Variants in RMI1 observed in about 807,000 individuals in gnomAD.
The protein encoded by RMI1 is RecQ mediated genome instability 1.
In RMI1, 36 loss-of-function variants were observed where a neutral mutation model predicts 46.7. That is an observed-to-expected ratio of 0.77 (90% CI 0.59 to 1.02). RMI1 has a LOEUF of 1.02. Among genes scored for constraint, RMI1 ranks in the 50% least tolerant of loss-of-function variants. The pLI is 0.00. For synonymous variants in RMI1, 250 were observed against 252.9 expected (o/e 0.99, Z 0.11); for missense variants, 676 against 713.7 (o/e 0.95, Z 0.60).
Position 84,002,744 on chromosome 9 carries a change from A to G in RMI1, c.1758A>G (p.Ile586Met). ...TGCAGAAATGTCAAAGAGATCTAAT[A>G]GATTTGTGCTGTCTAATGACTATTT... is the stretch of plus-strand genomic sequence containing the variant. Reference protein sequence around the residue: ...EGLQKCQRDLIDLCCLMTISF... With the variant: ...EGLQKCQRDLMDLCCLMTISF... The change falls in exon 3 of 3, where the codon ATA (isoleucine) becomes ATG (methionine). Residue 586 changes from isoleucine (I) to methionine (M), a missense_variant. Physicochemically the swap from Ile to Met is conservative, Grantham distance 10. Coordinates refer to ENST00000445877, the MANE Select transcript of RMI1 (RefSeq NM_001358291.2). 1 of 1,613,886 alleles carries G rather than the reference A, an allele frequency of 6.2e-7. No individual in the cohort carries two copies. Among genetic ancestry groups the G allele is most frequent in the Non-Finnish European group, 8.5e-7 (1 of 1,179,848 alleles).
chr9:83,994,254 T>G (rs926677776), intron 1 of RMI1, among the ~76,000 whole-genome samples: 3 of 152,218 alleles, frequency 2.0e-5, no homozygotes, highest in African/African-American at 7.2e-5. Context: ...AATTGTCTTT[T>G]TACTCTGTTG....
In RMI1 at chr9:84,003,433, C is replaced by T. The variant is rs932055313; in HGVS notation, c.*569C>T. 4.2e-5 allele frequency: 7 copies of T among 166,960 alleles called. No individual in the cohort carries two copies. The highest frequency in any genetic ancestry group is 1.9e-4 in the East Asian group (1 of 5,180). 10.3% of individuals were successfully genotyped at this position (166,960 alleles called of 1,614,324 possible). On this transcript the variant is annotated 3_prime_UTR_variant, in exon 3 of 3. Coordinates refer to ENST00000445877, the MANE Select transcript of RMI1 (RefSeq NM_001358291.2). ...ATTGCTAAAATATTGTACTGGTGTTCGGTGGTGAGTCATATTTTTGAAAGT... is the reference window on the plus strand; with the variant it reads ...ATTGCTAAAATATTGTACTGGTGTTTGGTGGTGAGTCATATTTTTGAAAGT...
At chr9:83,980,640 GA>G, upstream of RMI1, 1 of 153,396 alleles carries the variant, frequency 6.5e-6, no homozygotes, top group Non-Finnish European at 1.5e-5. Flanking sequence ...TAGCTGGGGG[GA>G]GGGGCGGCTA....
rs772388729 is a variant in RMI1, at chr9:84,001,758, A to C, written c.772A>C (p.Thr258Pro). 4 of 1,614,074 alleles carry C rather than the reference A, an allele frequency of 2.5e-6. No individual in the cohort carries two copies. Among genetic ancestry groups the C allele is most frequent in the Non-Finnish European group, 3.4e-6 (4 of 1,179,972 alleles). Residue 258 changes from threonine (T) to proline (P), a missense_variant, in exon 3 of 3, where the codon ACA (threonine) becomes CCA (proline). Coordinates refer to ENST00000445877, the MANE Select transcript of RMI1 (RefSeq NM_001358291.2). ...LASLDENDEL[T>P]ANNDTSSERC... is the part of the protein sequence containing the mutation. ...AAGTCTTGATGAAAATGATGAGCTT[A>C]CAGCAAATAATGACACTTCCTCAGA...
At chr9:83,993,573 A>G (rs939818746) in intron 1 of RMI1, among the ~76,000 whole-genome samples, 2 of 152,170 alleles carry the variant, frequency 1.3e-5, no homozygotes, top group African/African-American at 4.8e-5. Flanking sequence ...TTTCCATAGT[A>G]GCTTCACCAT....
rs533375611 is a variant in RMI1, at chr9:83,996,048, A to G, written c.-125-3661A>G. Reference sequence around the variant, plus strand: ...TTTGCTCTGTCTGCTGATTGGTAGTAATTTTCCTAAAGTGTATTATAATTT... The same window carrying G: ...TTTGCTCTGTCTGCTGATTGGTAGTGATTTTCCTAAAGTGTATTATAATTT... On this transcript the variant is annotated intron_variant, in intron 1 of 2. Coordinates refer to ENST00000445877, the MANE Select transcript of RMI1 (RefSeq NM_001358291.2). 2.2e-4 allele frequency among the ~76,000 whole-genome samples: 34 copies of G among 152,202 alleles called. No homozygotes were observed. The South Asian group carries it at 7.0e-3, about 32-fold the overall frequency.
At chr9:83,991,607 C>T (rs1957575160) in intron 1 of RMI1, among the ~76,000 whole-genome samples, 1 of 152,168 alleles carries the variant, frequency 6.6e-6, no homozygotes, top group Non-Finnish European at 1.5e-5. Context: ...CATGAGCCAC[C>T]ACGTCCAGCC....
At chr9:83,990,630 A>C (rs1019158539) in intron 1 of RMI1, among the ~76,000 whole-genome samples, 18 of 152,278 alleles carry the variant, frequency 1.2e-4, no homozygotes, top group Middle Eastern at 3.4e-3. Flanking sequence ...TTCTCTACAG[A>C]AAGAAATGAT....
At position 83,983,271 on chromosome 9, in the gene RMI1, G is replaced by A. The variant is rs188307563; in HGVS notation, c.-126+2380G>A. ...AGAGAAGCTAAGGAACATATCCAAG[G>A]TCACATAGCAAAATGGGGTTCCAGA... On this transcript the variant is annotated intron_variant, in intron 1 of 2. Transcript: ENST00000445877. Among the ~76,000 whole-genome samples the A allele has an allele frequency of 2.2e-3, 337 of 152,236 alleles. 1 individual carries two copies. Among genetic ancestry groups the A allele is most frequent in the Middle Eastern group, 0.02 (6 of 294 alleles).
chr9:84,003,075 A>G lies in RMI1; in HGVS notation c.*211A>G. 1 of 378,342 alleles carries G rather than the reference A, an allele frequency of 2.6e-6. No homozygotes were observed. The highest frequency in any genetic ancestry group is 2.3e-5 in the African/African-American group (1 of 43,906). 23.4% of individuals were successfully genotyped at this position (378,342 alleles called of 1,614,324 possible). ...TTTTTTTTTTTTTTAATGTCAGGGT[A>G]TTGCTCTGTTGCCCAGGCTAGAGTG... On this transcript the variant is annotated 3_prime_UTR_variant, in exon 3 of 3. Coordinates refer to ENST00000445877, the MANE Select transcript of RMI1 (RefSeq NM_001358291.2).
intron 2 of RMI1, 131 bp downstream of exon 2, chr9:83,999,928 A>G (rs916305799): frequency 1.3e-5 from 2 of 152,224 alleles, no homozygotes; most frequent in Admixed American, 6.5e-5. Context: ...CTACTGCTTT[A>G]TCATACTGAG....
chr9:83,981,186 ACTT>A (rs1957381383), intron 1 of RMI1, among the ~76,000 whole-genome samples: 2 of 152,104 alleles, frequency 1.3e-5, no homozygotes, highest in African/African-American at 2.4e-5. Flanking sequence ...GTACTGGAGA[ACTT>A]CTCGCCGAGA....
At chr9:83,983,401 C>T (rs1157786111) in intron 1 of RMI1, among the ~76,000 whole-genome samples, 1 of 152,254 alleles carries the variant, frequency 6.6e-6, no homozygotes, top group African/African-American at 2.4e-5. Flanking sequence ...TTTTTCCTCC[C>T]TAATTTTCGG....
At chr9:83,984,305 T>C (rs1258206115) in intron 1 of RMI1, among the ~76,000 whole-genome samples, 1 of 151,830 alleles carries the variant, frequency 6.6e-6, no homozygotes, top group African/African-American at 2.4e-5. Context: ...GTTTCGTTCT[T>C]GTTGCCTATG....
chr9:83,980,693 C>G (rs1002753857), upstream of RMI1: 3 of 152,138 alleles, frequency 2.0e-5, no homozygotes. Context: ...GCCTAGTTCA[C>G]GCGCACAGGG....
intron 1 of RMI1, among the ~76,000 whole-genome samples, chr9:83,981,622 T>A (rs1957398934): frequency 6.6e-6 from 1 of 152,174 alleles, no homozygotes; most frequent in Non-Finnish European, 1.5e-5. Flanking sequence ...ACATCCTTAC[T>A]CGTCAACCTT....
chr9:84,002,084 C>G lies in RMI1; in HGVS notation c.1098C>G (p.Cys366Trp), dbSNP rs1220718830. Residue 366 changes from cysteine (C) to tryptophan (W), a missense_variant, in exon 3 of 3, where the codon TGC becomes TGG. By Grantham distance (215) the Cys-to-Trp change is radical. Transcript: ENST00000445877. ...PNTTNNFSLTCKNGNNNWSEK... is the reference protein window; with the variant it reads ...PNTTNNFSLTWKNGNNNWSEK... The stretch of plus-strand genomic sequence containing the variant: ...CTACGAATAACTTTTCTTTGACTTG[C>G]AAAAATGGAAACAATAATTGGAGTG... 6.2e-7 allele frequency: 1 copy of G among 1,613,326 alleles called. No individual in the cohort carries two copies. The highest frequency in any genetic ancestry group is 8.5e-7 in the Non-Finnish European group (1 of 1,179,730).
chr9:83,995,683 C>T (rs896008642), intron 1 of RMI1, among the ~76,000 whole-genome samples: 5 of 152,202 alleles, frequency 3.3e-5, no homozygotes, highest in Admixed American at 6.5e-5. Flanking sequence ...CCACCTCGGC[C>T]TCCCAGAGTG....
At chr9:83,986,914 T>C (rs1244956088) in intron 1 of RMI1, among the ~76,000 whole-genome samples, 1 of 152,258 alleles carries the variant, frequency 6.6e-6, no homozygotes, top group Non-Finnish European at 1.5e-5. Flanking sequence ...CTTAATCTAA[T>C]GTCTGTCATC....
Sources: allele counts gnomAD v4.1 joint callset (sites outside exome capture counted in the v4.1 genomes callset), GRCh38; gene constraint gnomAD v4.1.1; transcripts MANE v1.5; gene names NCBI Gene and HGNC (gene_info 2026-07-23, HGNC 2026-07-21).